RICTOR: variants seen among roughly 807,000 people sequenced by gnomAD.
RICTOR encodes the protein rapamycin-insensitive companion of mTOR.
In RICTOR, 49 loss-of-function variants were observed where a neutral mutation model predicts 214.9. The ratio of observed to expected loss-of-function variants is 0.23; its 90% CI spans 0.18 to 0.29. The LOEUF is 0.29. Ranked by LOEUF, RICTOR falls within the 10% of genes least tolerant of loss-of-function variation. The probability of loss-of-function intolerance (pLI) is 1.00; values close to 1 mark genes in which losing one functional copy is unlikely to be tolerated. For missense variants in RICTOR, 1,625 were observed against 2,047.0 expected (o/e 0.79, Z 3.98); for synonymous variants, 717 against 711.3 (o/e 1.01, Z -0.13).
At chr5:38,945,820 T>G in intron 33 of RICTOR, 96 bp from the exon 34 acceptor site, 1 of 605,358 alleles carries the variant, frequency 1.7e-6, no homozygotes, top group East Asian at 3.0e-5. Flanking sequence ...TTAAGCACAT[T>G]TTATGACTCA....
rs113209089 is a variant in RICTOR, at chr5:39,041,635, C to A, written c.98-20499G>T. On this transcript the variant is annotated intron_variant, in intron 2 of 37. Transcript: ENST00000357387. Reference sequence around the variant, plus strand: ...GAATCAAGGATGAAGTCTAGATTTCCGGATTGGGTAAATTGATGTATGATT... The same window carrying A: ...GAATCAAGGATGAAGTCTAGATTTCAGGATTGGGTAAATTGATGTATGATT... Among the ~76,000 whole-genome samples, 1,190 of 152,050 alleles carry A rather than the reference C, an allele frequency of 7.8e-3. 17 individuals are homozygous for A. Among genetic ancestry groups the A allele is most frequent in the African/African-American group, 0.027 (1,136 of 41,478 alleles).
chr5:39,050,650 T>C (rs562010948), intron 2 of RICTOR, among the ~76,000 whole-genome samples: 1 of 152,312 alleles, frequency 6.6e-6, no homozygotes, highest in South Asian at 2.1e-4. Context: ...AAGAACTTAC[T>C]GTTAATTTAC....
At chr5:39,036,048 A>G (rs370022418) in intron 2 of RICTOR, among the ~76,000 whole-genome samples, 1 of 152,214 alleles carries the variant, frequency 6.6e-6, no homozygotes, top group Non-Finnish European at 1.5e-5. Context: ...AGGAAAAAAT[A>G]TTAAGGGAAG....
intron 19 of RICTOR, among the ~76,000 whole-genome samples, chr5:38,960,939 A>G (rs532248837): frequency 6.6e-6 from 1 of 152,142 alleles, no homozygotes; most frequent in South Asian, 2.1e-4. Context: ...TTCTGCCACA[A>G]TTATGTTTCC....
chr5:39,064,964 A>G (rs1758793200), intron 2 of RICTOR, among the ~76,000 whole-genome samples: 1 of 152,216 alleles, frequency 6.6e-6, no homozygotes, highest in South Asian at 2.1e-4. Context: ...TCTTCCTCAG[A>G]TTAAAGCAGA....
intron 10 of RICTOR, among the ~76,000 whole-genome samples, chr5:38,972,308 C>T (rs1176550834): frequency 6.6e-6 from 1 of 152,154 alleles, no homozygotes. Flanking sequence ...ATACTCCTCA[C>T]TTTAAAGTGA....
intron 2 of RICTOR, among the ~76,000 whole-genome samples, chr5:39,062,548 C>T (rs930449269): frequency 2.6e-5 from 4 of 151,914 alleles, no homozygotes; most frequent in African/African-American, 9.7e-5. Context: ...AAACACTAAG[C>T]ATGGAAATAA....
chr5:39,071,201 G>A (rs2150224063), intron 2 of RICTOR, among the ~76,000 whole-genome samples: 1 of 152,280 alleles, frequency 6.6e-6, no homozygotes. Flanking sequence ...ATGAAATACA[G>A]TATCACATTT....
At chr5:39,067,531 T>C (rs1309085158) in intron 2 of RICTOR, among the ~76,000 whole-genome samples, 1 of 152,206 alleles carries the variant, frequency 6.6e-6, no homozygotes, top group East Asian at 1.9e-4. Flanking sequence ...TTTCTTCTTA[T>C]TGATTCCTAC....
intron 7 of RICTOR, among the ~76,000 whole-genome samples, chr5:38,988,442 T>C (rs1461140351): frequency 1.3e-5 from 2 of 152,182 alleles, no homozygotes; most frequent in South Asian, 2.1e-4. Context: ...TTTACCATTA[T>C]GTAATGCCCT....
chr5:38,956,518 C>T (rs1749278322), intron 25 of RICTOR, among the ~76,000 whole-genome samples: 1 of 152,056 alleles, frequency 6.6e-6, no homozygotes, highest in Non-Finnish European at 1.5e-5. Context: ...CTTTATTCTG[C>T]TCCTTCTTCC....
chr5:39,019,192 T>C (rs1755200031), intron 3 of RICTOR, among the ~76,000 whole-genome samples: 1 of 152,102 alleles, frequency 6.6e-6, no homozygotes, highest in African/African-American at 2.4e-5. Context: ...AATGGCAAGG[T>C]AAAGCAGTAG....
intron 3 of RICTOR, among the ~76,000 whole-genome samples, chr5:39,017,832 G>T (rs1166417269): frequency 6.6e-6 from 1 of 152,050 alleles, no homozygotes; most frequent in East Asian, 1.9e-4. Context: ...AAACAGTACT[G>T]CTCAAACTTG....
chr5:38,975,750 C>G (rs1751177667), intron 9 of RICTOR, 146 bp from the exon 10 acceptor site: 1 of 637,642 alleles, frequency 1.6e-6, no homozygotes, highest in Non-Finnish European at 2.7e-6. Context: ...ATCAGATCTA[C>G]ACTAAAGCAA....
At chr5:39,017,395 C>T (rs879726085) in intron 3 of RICTOR, among the ~76,000 whole-genome samples, 3 of 152,002 alleles carry the variant, frequency 2.0e-5, no homozygotes, top group Non-Finnish European at 4.4e-5. Context: ...AACAATGTTG[C>T]GGTCTTAAAG....
chr5:39,068,941 G>A (rs1580236921), intron 2 of RICTOR, among the ~76,000 whole-genome samples: 1 of 152,174 alleles, frequency 6.6e-6, no homozygotes, highest in East Asian at 1.9e-4. Flanking sequence ...CTGTGACACT[G>A]GTTAAGTTAC....
chr5:39,008,296 T>C (rs1754226908), intron 3 of RICTOR, among the ~76,000 whole-genome samples: 1 of 152,102 alleles, frequency 6.6e-6, no homozygotes, highest in South Asian at 2.1e-4. Context: ...TATCACACCA[T>C]CTAGGAATAG....
At position 39,059,798 on chromosome 5, in the gene RICTOR, A is replaced by G. The variant is rs77562433; in HGVS notation, c.97+14313T>C. On this transcript the variant is annotated intron_variant, in intron 2 of 37. Transcript: ENST00000357387. Reference sequence around the variant, plus strand: ...TCTTTTGCTTTCACTGACCATACAAATAAGAATATGTAATATCTATTTCTT... The same window carrying G: ...TCTTTTGCTTTCACTGACCATACAAGTAAGAATATGTAATATCTATTTCTT... Among the ~76,000 whole-genome samples, 9 of 152,080 alleles carry G rather than the reference A, an allele frequency of 5.9e-5. No homozygotes were observed. In the East Asian group the frequency reaches 1.7e-3, roughly 29 times the overall value.
At chr5:38,990,549 ATATACAC>A (rs1561500918) in intron 7 of RICTOR, among the ~76,000 whole-genome samples, 1 of 43,510 alleles carries the variant, frequency 2.3e-5, no homozygotes, top group African/African-American at 9.1e-5. Flanking sequence ...TATATACACG[ATATACAC>A]GATATATACA....
Sources: allele counts gnomAD v4.1 joint callset (sites outside exome capture counted in the v4.1 genomes callset), GRCh38; gene constraint gnomAD v4.1.1; transcripts MANE v1.5; gene names NCBI Gene and HGNC (gene_info 2026-07-23, HGNC 2026-07-21).